The following DIAPH3 variants were observed in gnomAD, a reference collection of about 807,000 sequenced individuals.
The protein encoded by DIAPH3 is protein diaphanous homolog 3.
DIAPH3 carries 117 observed loss-of-function variants against 144.3 expected under a neutral mutation model. The observed-to-expected ratio is 0.81, with a 90% CI of 0.70 to 0.95. DIAPH3 has a LOEUF of 0.95. DIAPH3 is among the 40% of genes least tolerant of loss of function. The probability of loss-of-function intolerance (pLI) is 0.00; values close to 1 mark genes in which losing one functional copy is unlikely to be tolerated. For missense variants in DIAPH3, 1,421 were observed against 1,412.7 expected (o/e 1.01, Z -0.09); for synonymous variants, 519 against 488.9 (o/e 1.06, Z -0.81).
chr13:59,902,392 T>C (rs1031075969), intron 20 of DIAPH3, among the ~76,000 whole-genome samples: 1 of 152,156 alleles, frequency 6.6e-6, no homozygotes, highest in African/African-American at 2.4e-5. Context: ...CCTTCCACCA[T>C]GATCATAAGT....
intron 3 of DIAPH3, among the ~76,000 whole-genome samples, chr13:60,108,657 C>T (rs2058486124): frequency 6.6e-6 from 1 of 151,762 alleles, no homozygotes; most frequent in Non-Finnish European, 1.5e-5. Context: ...CTAACAGAGG[C>T]ATGGAGGGAG....
intron 27 of DIAPH3, among the ~76,000 whole-genome samples, chr13:59,693,101 G>A (rs1458665924): frequency 1.3e-5 from 2 of 152,162 alleles, no homozygotes; most frequent in Non-Finnish European, 2.9e-5. Context: ...AACAGAACAA[G>A]AAAGAGTTAG....
intron 3 of DIAPH3, among the ~76,000 whole-genome samples, chr13:60,109,505 C>G (rs2058510317): frequency 6.9e-6 from 1 of 145,554 alleles, no homozygotes; most frequent in African/African-American, 2.6e-5. Context: ...GGAAAAGAGG[C>G]CAACCACATC....
chr13:59,966,228 A>C (rs1278838762), intron 17 of DIAPH3, among the ~76,000 whole-genome samples: 1 of 152,188 alleles, frequency 6.6e-6, no homozygotes, highest in African/African-American at 2.4e-5. Context: ...AAATGGTCAC[A>C]AAGATTAGTT....
intron 21 of DIAPH3, among the ~76,000 whole-genome samples, chr13:59,868,595 G>T (rs755215629): frequency 6.6e-6 from 1 of 152,028 alleles, no homozygotes; most frequent in African/African-American, 2.4e-5. Context: ...CCACGTTAAG[G>T]TTCTTTCTTT....
chr13:59,929,170 T>G (rs906362074), intron 17 of DIAPH3, among the ~76,000 whole-genome samples: 2 of 152,198 alleles, frequency 1.3e-5, no homozygotes, highest in African/African-American at 4.8e-5. Flanking sequence ...CCGTAAGTAT[T>G]ATGCAAACAT....
chr13:59,917,523 A>G (rs1194048283), intron 18 of DIAPH3, among the ~76,000 whole-genome samples: 1 of 152,148 alleles, frequency 6.6e-6, no homozygotes, highest in Non-Finnish European at 1.5e-5. Context: ...TGAAATCATT[A>G]CAATAAAACT....
At chr13:59,921,699 T>C (rs73196173) in intron 18 of DIAPH3, among the ~76,000 whole-genome samples, 10,668 of 151,818 alleles carry the variant, frequency 0.07, 418 homozygotes, top group Admixed American at 0.11. Flanking sequence ...TCAAAAAAAA[T>C]CAAAGAGTAG....
intron 27 of DIAPH3, among the ~76,000 whole-genome samples, chr13:59,741,643 G>A (rs2036454356): frequency 1.3e-5 from 2 of 150,904 alleles, no homozygotes; most frequent in African/African-American, 4.9e-5. Context: ...CTTGAGCCCA[G>A]GAGGTTGAGG....
intron 9 of DIAPH3, among the ~76,000 whole-genome samples, chr13:59,995,972 A>C (rs1336711405): frequency 1.3e-5 from 2 of 152,020 alleles, no homozygotes; most frequent in Non-Finnish European, 2.9e-5. Context: ...GTTAAAGAAA[A>C]AGAAAAGTTA....
chr13:59,788,203 T>C (rs1389904100), intron 25 of DIAPH3, among the ~76,000 whole-genome samples: 1 of 152,178 alleles, frequency 6.6e-6, no homozygotes, highest in East Asian at 1.9e-4. Context: ...ATAGCAACAA[T>C]GAAAAATTAT....
chr13:59,918,430 A>G (rs777946792), intron 18 of DIAPH3, among the ~76,000 whole-genome samples: 1 of 152,164 alleles, frequency 6.6e-6, no homozygotes, highest in Non-Finnish European at 1.5e-5. Context: ...GTTCTGGCCT[A>G]TATCACTGAC....
chr13:60,042,931 A>T, intron 4 of DIAPH3, 111 bp from the exon 5 acceptor site: 1 of 1,222,480 alleles, frequency 8.2e-7, no homozygotes, highest in Non-Finnish European at 1.2e-6. Flanking sequence ...AATTAACACT[A>T]TTTGGGCAAG....
intron 27 of DIAPH3, among the ~76,000 whole-genome samples, chr13:59,718,270 G>T (rs550651665): frequency 6.6e-6 from 1 of 152,168 alleles, no homozygotes; most frequent in African/African-American, 2.4e-5. Flanking sequence ...ACCCTAATAA[G>T]GTCCTAAACA....
intron 17 of DIAPH3, among the ~76,000 whole-genome samples, chr13:59,963,175 A>G (rs1298632620): frequency 1.3e-5 from 2 of 152,168 alleles, no homozygotes; most frequent in Non-Finnish European, 2.9e-5. Flanking sequence ...AACCTGGCTT[A>G]CCTACTCAGA....
intron 22 of DIAPH3, among the ~76,000 whole-genome samples, chr13:59,855,806 T>TA (rs1229456873): frequency 2.0e-5 from 3 of 151,926 alleles, no homozygotes; most frequent in Admixed American, 6.6e-5. Flanking sequence ...CTCAGAGTGT[T>TA]ACTAATGTTT....
chr13:60,041,552 T>A lies in DIAPH3; in HGVS notation c.626+1138A>T, dbSNP rs35146567. On this transcript the variant is annotated intron_variant, in intron 5 of 27. Coordinates refer to ENST00000400324, the MANE Select transcript of DIAPH3 (RefSeq NM_001042517.2). ...AAGGTTGTTTTCTTTTAAATACATG[T>A]ACGGTCAAAGATTTCTGCATACTAT... Among the ~76,000 whole-genome samples, 265 of 152,310 alleles carry A rather than the reference T, an allele frequency of 1.7e-3. 1 individual carries two copies. Among genetic ancestry groups the A allele is most frequent in the Middle Eastern group, 3.4e-3 (1 of 294 alleles).
At chr13:60,150,173 C>T (rs1378788025) in intron 1 of DIAPH3, among the ~76,000 whole-genome samples, 6 of 152,066 alleles carry the variant, frequency 3.9e-5, no homozygotes, top group Non-Finnish European at 7.4e-5. Flanking sequence ...AGAAATGCAC[C>T]ACCACGCCAG....
Position 60,015,937 on chromosome 13 carries a change from A to G in DIAPH3, c.747T>C (p.Cys249=). 6.2e-7 allele frequency: 1 copy of G among 1,613,288 alleles called. No individual in the cohort carries two copies. The highest frequency in any genetic ancestry group is 1.3e-5 in the African/African-American group (1 of 75,024). ...VKKNQHKVIQ[C]LKALMNTQYG... ...CCTGCGTATTCATCAGGGCTTTTAG[A>G]CACTGTATGACTTTATGTTGATTTT... Residue 249 remains cysteine, a synonymous_variant, in exon 7 of 28, where the codon TGT becomes TGC. Transcript: ENST00000400324.
Sources: gnomAD v4.1 joint callset for allele counts (sites outside exome capture counted in the v4.1 genomes callset) on GRCh38, gnomAD v4.1.1 for gene constraint, MANE v1.5 for transcripts, NCBI Gene and HGNC (gene_info 2026-07-23, HGNC 2026-07-21) for gene names.